The following PCDHA11 variants were observed in gnomAD, a reference collection of about 807,000 sequenced individuals.
The protein encoded by PCDHA11 is protocadherin alpha 11.
A neutral mutation model predicts 70.3 loss-of-function variants in PCDHA11; 61 were observed. That is an observed-to-expected ratio of 0.87 (90% CI 0.71 to 1.07). The LOEUF is 1.07. Ranked by LOEUF, PCDHA11 falls within the 50% of genes least tolerant of loss-of-function variation. The pLI is 0.00. For synonymous variants in PCDHA11, 633 were observed against 555.1 expected, an observed-to-expected ratio of 1.14 and a Z score of -1.97; for missense variants, 1,324 against 1,237.5, an observed-to-expected ratio of 1.07 and a Z score of -1.05.
At chr5:140,898,703 G>A (rs2066931625) in intron 1 of PCDHA11, among the ~76,000 whole-genome samples, 1 of 152,068 alleles carries the variant, frequency 6.6e-6, no homozygotes, top group Non-Finnish European at 1.5e-5. Context: ...GAACTTTAAA[G>A]TAGTTTTTTC....
In PCDHA11 at chr5:140,869,432, T is replaced by C. The variant is rs1562628312; in HGVS notation, c.329T>C (p.Val110Ala). Residue 110 changes from valine to alanine, a missense_variant, in exon 1 of 4, where the codon GTG (valine) becomes GCG (alanine). Physicochemically the swap from Val to Ala is moderately conservative, Grantham distance 64. Transcript: ENST00000398640. Reference protein sequence around the residue: ...AECSIHLEVIVDRPLQVFHVN... With the variant: ...AECSIHLEVIADRPLQVFHVN... ...TGCAGCATCCACCTGGAGGTGATCG[T>C]GGACAGGCCGCTGCAGGTTTTCCAT... 1.9e-6 allele frequency: 3 copies of C among 1,614,192 alleles called. No homozygotes were observed. The highest frequency in any genetic ancestry group is 2.5e-6 in the Non-Finnish European group (3 of 1,180,032).
At chr5:140,954,221 T>C (rs1237648662) in intron 1 of PCDHA11, among the ~76,000 whole-genome samples, 2 of 152,252 alleles carry the variant, frequency 1.3e-5, no homozygotes, top group African/African-American at 4.8e-5. Flanking sequence ...TTTTTGCTAT[T>C]GTGAATAGTG....
intron 1 of PCDHA11, among the ~76,000 whole-genome samples, chr5:140,960,813 A>C (rs1356756058): frequency 6.6e-6 from 1 of 152,202 alleles, no homozygotes; most frequent in Non-Finnish European, 1.5e-5. Context: ...AGAGGTCCCA[A>C]GTGATGAATG....
Position 141,009,718 on chromosome 5 carries a change from A to C in PCDHA11, c.2631A>C (p.Gln877His). The change falls in exon 4 of 4, where the codon CAA becomes CAC. Residue 877 changes from glutamine to histidine, a missense_variant. Coordinates refer to ENST00000398640, the MANE Select transcript of PCDHA11 (RefSeq NM_018902.5). Reference protein sequence around the residue: ...TFKYGPGNPKQSGPGELPDKF... With the variant: ...TFKYGPGNPKHSGPGELPDKF... Reference sequence around the variant, plus strand: ...AATACGGACCAGGCAACCCCAAACAATCCGGTCCCGGTGAGTTGCCCGACA... The same window carrying C: ...AATACGGACCAGGCAACCCCAAACACTCCGGTCCCGGTGAGTTGCCCGACA... 6.2e-7 allele frequency: 1 copy of C among 1,614,044 alleles called. No individual in the cohort carries two copies. Among genetic ancestry groups the C allele is most frequent in the Non-Finnish European group, 8.5e-7 (1 of 1,180,018 alleles).
intron 1 of PCDHA11, among the ~76,000 whole-genome samples, chr5:140,945,889 A>G (rs2093857848): frequency 6.6e-6 from 1 of 152,074 alleles, no homozygotes; most frequent in African/African-American, 2.4e-5. Flanking sequence ...CAAAGAAAAC[A>G]CAGTGGGAAA....
chr5:140,978,036 C>T (rs1460377915), intron 1 of PCDHA11, among the ~76,000 whole-genome samples: 22 of 152,268 alleles, frequency 1.4e-4, no homozygotes, highest in Admixed American at 1.4e-3. Context: ...TGATACAAGA[C>T]AGTGATGGTG....
chr5:140,963,348 T>C (rs1415746589), intron 1 of PCDHA11, among the ~76,000 whole-genome samples: 7 of 152,234 alleles, frequency 4.6e-5, no homozygotes, highest in Admixed American at 4.6e-4. Context: ...GTAAATTTAG[T>C]TCTTTTCAAA....
intron 1 of PCDHA11, among the ~76,000 whole-genome samples, chr5:140,886,642 A>T (rs1412113366): frequency 6.6e-6 from 1 of 152,048 alleles, no homozygotes; most frequent in African/African-American, 2.4e-5. Flanking sequence ...CCTGGCCAAC[A>T]TGGTGAAACC....
chr5:140,876,481 C>T (rs1442284424), intron 1 of PCDHA11: 9 of 1,613,878 alleles, frequency 5.6e-6, no homozygotes, highest in Admixed American at 1.7e-5. Flanking sequence ...CAGCATGGTC[C>T]TGGTGGAAGT....
intron 1 of PCDHA11, among the ~76,000 whole-genome samples, chr5:140,889,267 A>T (rs1376262292): frequency 6.6e-6 from 1 of 151,966 alleles, no homozygotes; most frequent in Non-Finnish European, 1.5e-5. Context: ...AAGTTTGTAT[A>T]ATCTTTGAAT....
rs1554169418 is a variant in PCDHA11 at position 140,877,179 on chromosome 5, G to C, written c.2391+5685G>C. 3 of 1,613,712 alleles carry C rather than the reference G, an allele frequency of 1.9e-6. No individual in the cohort carries two copies. The South Asian group carries it at 3.3e-5, about 18-fold the overall frequency. ...ACGCGCCGGCACTGCTGGCGACTCCGGCTGGCAGCGCAGGAGGCGCAGTTA... is the reference window on the plus strand; with the variant it reads ...ACGCGCCGGCACTGCTGGCGACTCCCGCTGGCAGCGCAGGAGGCGCAGTTA... On this transcript the variant is annotated intron_variant, in intron 1 of 3. Coordinates refer to ENST00000398640, the MANE Select transcript of PCDHA11 (RefSeq NM_018902.5).
intron 1 of PCDHA11, chr5:140,927,739 CG>C: frequency 1.2e-6 from 2 of 1,614,212 alleles, no homozygotes; most frequent in Non-Finnish European, 1.7e-6. Flanking sequence ...GCTGCGACAC[CG>C]CTTTCACGTG....
chr5:140,909,462 C>T (rs2074519059), intron 1 of PCDHA11, among the ~76,000 whole-genome samples: 1 of 152,212 alleles, frequency 6.6e-6, no homozygotes, highest in Non-Finnish European at 1.5e-5. Flanking sequence ...ATCCATCTGT[C>T]TTCTTCACAG....
Position 140,870,243 on chromosome 5 carries a change from C to A in PCDHA11, c.1140C>A (p.Val380=), listed in dbSNP as rs782592982. 3.1e-6 allele frequency: 5 copies of A among 1,614,176 alleles called. No homozygotes were observed. The East Asian group carries it at 6.7e-5, about 22-fold the overall frequency. The change falls in exon 1 of 4, where the codon GTC becomes GTA. Residue 380 remains valine (V), a synonymous_variant. Transcript: ENST00000398640. Reference sequence around the variant, plus strand: ...GCGTGTCTGACCGTGACTCAGGTGTCAACGGACAGGTGACCTGCTCGCTGA... The same window carrying A: ...GCGTGTCTGACCGTGACTCAGGTGTAAACGGACAGGTGACCTGCTCGCTGA... ...LISVSDRDSG[V]NGQVTCSLTP...
chr5:140,915,630 C>G (rs2077218866), intron 1 of PCDHA11, among the ~76,000 whole-genome samples: 1 of 142,802 alleles, frequency 7.0e-6, no homozygotes, highest in South Asian at 2.1e-4. Flanking sequence ...CTTTCTGTCT[C>G]TCTCTCTCTC....
chr5:140,872,332 T>G (rs2053600467), intron 1 of PCDHA11, among the ~76,000 whole-genome samples: 1 of 152,172 alleles, frequency 6.6e-6, no homozygotes, highest in African/African-American at 2.4e-5. Context: ...ATGACTAAAA[T>G]TCTACATGTT....
intron 1 of PCDHA11, among the ~76,000 whole-genome samples, chr5:140,880,234 G>T (rs560785672): frequency 1.8e-4 from 28 of 152,250 alleles, no homozygotes; most frequent in Non-Finnish European, 2.8e-4. Context: ...TTAAATTAGT[G>T]TATGTGCGTG....
intron 1 of PCDHA11, chr5:140,875,349 C>G: frequency 6.9e-7 from 1 of 1,444,894 alleles, no homozygotes; most frequent in Non-Finnish European, 9.1e-7. Flanking sequence ...TCCATAATGA[C>G]TGTGATGCTG....
Position 140,870,427 on chromosome 5 carries a change from G to A in PCDHA11, c.1324G>A (p.Val442Met). 6.2e-7 allele frequency: 1 copy of A among 1,614,220 alleles called. No homozygotes were observed. Among genetic ancestry groups the A allele is most frequent in the Non-Finnish European group, 8.5e-7 (1 of 1,180,050 alleles). ...TCTGTGGGCCACGGCCAGGGTATCC[G>A]TGGAGGTGGCCGACGTGAACGACAA... Reference protein sequence around the residue: ...PSLWATARVSVEVADVNDNAP... With the variant: ...PSLWATARVSMEVADVNDNAP... The change falls in exon 1 of 4, where the codon GTG (valine) becomes ATG (methionine). Residue 442 changes from valine (V) to methionine (M), a missense_variant. Val to Met is a conservative substitution (Grantham distance 21). Transcript: ENST00000398640.
Sources: gnomAD v4.1 joint callset for allele counts (sites outside exome capture counted in the v4.1 genomes callset) on GRCh38, gnomAD v4.1.1 for gene constraint, MANE v1.5 for transcripts, NCBI Gene and HGNC (gene_info 2026-07-23, HGNC 2026-07-21) for gene names.